KPNA1: variants seen among roughly 807,000 people sequenced by gnomAD.
KPNA1 encodes karyopherin subunit alpha 1.
A neutral mutation model predicts 70.5 loss-of-function variants in KPNA1; 10 were observed. The ratio of observed to expected loss-of-function variants is 0.14; its 90% CI spans 0.09 to 0.24. KPNA1 has a LOEUF of 0.24. KPNA1 is among the 10% of genes least tolerant of loss of function. KPNA1 has a pLI of 1.00. For missense variants in KPNA1, 397 were observed against 637.9 expected, an observed-to-expected ratio of 0.62 and a Z score of 4.07; for synonymous variants, 192 against 221.9, an observed-to-expected ratio of 0.87 and a Z score of 1.20.
chr3:122,461,148 G>A lies in KPNA1; in HGVS notation c.432+76C>T. 4.6e-6 allele frequency: 4 copies of A among 867,646 alleles called. No homozygotes were observed. In the South Asian group the frequency reaches 4.9e-5, roughly 11 times the overall value. 53.7% of individuals were successfully genotyped at this position (867,646 alleles called of 1,614,324 possible). A position where few individuals can be genotyped will look rare whatever the true frequency, so the allele number is the denominator to read the frequency against. ...TAATTCTTCATACAGATAAAAATTA[G>A]TAACAAATTTGTGTACAAAATAAAA... On this transcript the variant is annotated intron_variant, in intron 5 of 13. Transcript: ENST00000344337.
intron 8 of KPNA1, among the ~76,000 whole-genome samples, chr3:122,450,487 C>T (rs2076187667): frequency 6.6e-6 from 1 of 152,196 alleles, no homozygotes; most frequent in South Asian, 2.1e-4. Flanking sequence ...GAGGCTGAGG[C>T]AGGAGAATCA....
chr3:122,492,156 G>A (rs73190150), intron 2 of KPNA1, among the ~76,000 whole-genome samples: 1 of 152,072 alleles, frequency 6.6e-6, no homozygotes, highest in Non-Finnish European at 1.5e-5. Flanking sequence ...CACCGTGCCC[G>A]GCCCGACCAT....
Position 122,467,352 on chromosome 3 carries a change from C to T in KPNA1, c.207G>A (p.Glu69=), listed in dbSNP as rs894159754. ...CCATCTCCATGTTACTAATCTGAGC[C>T]TCATGAAAGCCTCCATCTGACATAA... ...EEVMSDGGFH[E]AQISNMEMAP... The change falls in exon 3 of 14, where the codon GAG becomes GAA. Residue 69 remains glutamate (E), a synonymous_variant. Transcript: ENST00000344337. The T allele has an allele frequency of 6.2e-7, 1 of 1,604,590 alleles. No homozygotes were observed.
chr3:122,451,049 A>G (rs939305160), intron 8 of KPNA1, among the ~76,000 whole-genome samples: 23 of 152,184 alleles, frequency 1.5e-4, no homozygotes, highest in African/African-American at 5.3e-4. Flanking sequence ...TACAGCGTAC[A>G]CTGCTTGGGT....
chr3:122,494,821 G>A (rs867186883), intron 2 of KPNA1, among the ~76,000 whole-genome samples: 2 of 152,238 alleles, frequency 1.3e-5, no homozygotes, highest in Middle Eastern at 3.4e-3. Flanking sequence ...GAGTGCCACT[G>A]CTACACCTTC....
At chr3:122,471,187 G>A (rs1043915151) in intron 2 of KPNA1, among the ~76,000 whole-genome samples, 1 of 152,152 alleles carries the variant, frequency 6.6e-6, no homozygotes, top group South Asian at 2.1e-4. Flanking sequence ...AGGGGTGAGA[G>A]TAAGGGCAGG....
At chr3:122,510,743 A>C (rs2076946342) in intron 1 of KPNA1, among the ~76,000 whole-genome samples, 1 of 152,194 alleles carries the variant, frequency 6.6e-6, no homozygotes, top group Admixed American at 6.5e-5. Context: ...ATAAATATGA[A>C]AGCAAACACA....
At chr3:122,508,250 C>T (rs577822878) in intron 1 of KPNA1, among the ~76,000 whole-genome samples, 1 of 152,156 alleles carries the variant, frequency 6.6e-6, no homozygotes, top group East Asian at 1.9e-4. Context: ...ATGTCACTAG[C>T]AAAGTGGAAA....
intron 1 of KPNA1, among the ~76,000 whole-genome samples, chr3:122,513,821 T>C (rs9867429): frequency 0.14 from 21,199 of 152,168 alleles, 1,584 homozygotes; most frequent in East Asian, 0.32. Context: ...TCCCAGCTAC[T>C]TGGGAAGCTG....
chr3:122,454,110 G>T, intron 5 of KPNA1, 109 bp from the exon 6 acceptor site: 1 of 697,064 alleles, frequency 1.4e-6, no homozygotes. Flanking sequence ...ATCATTATTT[G>T]CACATAACCT....
chr3:122,497,082 A>C (rs758565082), intron 1 of KPNA1, among the ~76,000 whole-genome samples: 3 of 152,208 alleles, frequency 2.0e-5, no homozygotes, highest in Non-Finnish European at 2.9e-5. Flanking sequence ...CCTTCATCAT[A>C]GTGAATTTTG....
chr3:122,471,229 A>G (rs1307776142), intron 2 of KPNA1, among the ~76,000 whole-genome samples: 4 of 152,166 alleles, frequency 2.6e-5, no homozygotes, highest in Non-Finnish European at 4.4e-5. Flanking sequence ...AAATACCTTT[A>G]TATTTGTCAA....
chr3:122,468,368 G>C (rs564425726), intron 2 of KPNA1, among the ~76,000 whole-genome samples: 2 of 152,218 alleles, frequency 1.3e-5, no homozygotes, highest in East Asian at 3.9e-4. Context: ...AAGATCTACA[G>C]GAGGTTCTCT....
Position 122,449,719 on chromosome 3 carries a change from C to A in KPNA1, c.772G>T (p.Val258Leu), listed in dbSNP as rs996436531. ...CTGACAAACAGCAACCAGGAAAGCA[C>A]ATTCAGACATGGAGAAACCTGTAAA... ...EFAKVSPCLN[V>L]LSWLLFVSDT... The change falls in exon 9 of 14, where the codon GTG becomes TTG. Residue 258 changes from valine (V) to leucine (L), a missense_variant. Transcript: ENST00000344337. 2.5e-6 allele frequency: 4 copies of A among 1,611,154 alleles called. No individual in the cohort carries two copies. The highest frequency in any genetic ancestry group is 3.4e-6 in the Non-Finnish European group (4 of 1,179,200).
At chr3:122,448,672 A>G (rs899794497) in intron 9 of KPNA1, among the ~76,000 whole-genome samples, 32 of 152,288 alleles carry the variant, frequency 2.1e-4, no homozygotes, top group African/African-American at 7.7e-4. Flanking sequence ...CAGCAAATCA[A>G]CATGGCACAT....
At chr3:122,443,161 T>TGGCTCAGCGGGTCCCATGCCC (rs2076088192) in intron 9 of KPNA1, 1 of 152,520 alleles carries the variant, frequency 6.6e-6, no homozygotes, top group African/African-American at 2.4e-5. Context: ...CTCCCATGCC[T>TGGCTCAGCGGGTCCCATGCCC]GGCTCAGCGG....
At chr3:122,476,226 T>TA (rs1362930499) in intron 2 of KPNA1, among the ~76,000 whole-genome samples, 4 of 152,168 alleles carry the variant, frequency 2.6e-5, no homozygotes, top group African/African-American at 9.7e-5. Context: ...CTCAAAAAAT[T>TA]AGATATCCAT....
chr3:122,514,059 C>G, intron 1 of KPNA1, among the ~76,000 whole-genome samples: 1 of 152,222 alleles, frequency 6.6e-6, no homozygotes, highest in East Asian at 1.9e-4. Context: ...TTCCTCCTCC[C>G]GTTTTGAGCT....
In KPNA1 at chr3:122,449,700, A is replaced by G; in HGVS notation, c.791T>C (p.Phe264Ser). 6.2e-7 allele frequency: 1 copy of G among 1,613,614 alleles called. No individual in the cohort carries two copies. Among genetic ancestry groups the G allele is most frequent in the Non-Finnish European group, 8.5e-7 (1 of 1,179,836 alleles). Residue 264 changes from phenylalanine to serine, a missense_variant, in exon 9 of 14, where the codon TTT becomes TCT. Phe to Ser is a radical substitution (Grantham distance 155, BLOSUM62 -2). Transcript: ENST00000344337. ...PCLNVLSWLL[F>S]VSDTDVLADA... ...AGCCAGTACATCAGTGTCACTGACA[A>G]ACAGCAACCAGGAAAGCACATTCAG... is the stretch of plus-strand genomic sequence containing the variant.
Sources: allele counts gnomAD v4.1 joint callset (sites outside exome capture counted in the v4.1 genomes callset), GRCh38; gene constraint gnomAD v4.1.1; transcripts MANE v1.5; gene names NCBI Gene and HGNC (gene_info 2026-07-23, HGNC 2026-07-21).